KCTD1: variants seen among roughly 807,000 people sequenced by gnomAD.
KCTD1 encodes BTB/POZ domain-containing protein KCTD1.
KCTD1 carries 24 observed loss-of-function variants against 66.0 expected under a neutral mutation model. That is an observed-to-expected ratio of 0.36 (90% CI 0.26 to 0.51). KCTD1 has a LOEUF of 0.51. KCTD1 is among the 20% of genes least tolerant of loss of function. The pLI is 0.95. For synonymous variants in KCTD1, 511 were observed against 517.2 expected, an observed-to-expected ratio of 0.99 and a Z score of 0.16; for missense variants, 943 against 1,205.2, an observed-to-expected ratio of 0.78 and a Z score of 3.22.
At chr18:26,628,577 A>G (rs1987551801) in intron 1 of KCTD1, among the ~76,000 whole-genome samples, 1 of 152,210 alleles carries the variant, frequency 6.6e-6, no homozygotes, top group East Asian at 1.9e-4. Context: ...AAATAGTAAA[A>G]AAAAAAAAGT....
Position 26,490,845 on chromosome 18 carries a change from C to T in KCTD1, c.1988+10227G>A, listed in dbSNP as rs770985273. Among the ~76,000 whole-genome samples, 96 of 149,246 alleles carry T rather than the reference C, an allele frequency of 6.4e-4. 1 individual carries two copies. The highest frequency in any genetic ancestry group is 1.6e-4 in the Non-Finnish European group (11 of 66,966). ...TCGGCTCACTGCAATCTCCGCCTCC[C>T]GGGCTCAAGCGATTCTCATGCCTCA... is the stretch of plus-strand genomic sequence containing the variant. On this transcript the variant is annotated intron_variant, in intron 2 of 4. Transcript: ENST00000580059.
chr18:26,562,507 C>A (rs1471161603), intron 1 of KCTD1, among the ~76,000 whole-genome samples: 1 of 152,146 alleles, frequency 6.6e-6, no homozygotes, highest in African/African-American at 2.4e-5. Flanking sequence ...AGTGATATTC[C>A]CACCTCAGCC....
At chr18:26,620,341 T>G (rs1367993928) in intron 1 of KCTD1, among the ~76,000 whole-genome samples, 1 of 88,428 alleles carries the variant, frequency 1.1e-5, no homozygotes, top group African/African-American at 5.2e-5. Context: ...TTGCTGAAGG[T>G]AAATCTTAAA....
At chr18:26,484,277 T>C (rs1981801678) in intron 2 of KCTD1, among the ~76,000 whole-genome samples, 1 of 152,212 alleles carries the variant, frequency 6.6e-6, no homozygotes, top group South Asian at 2.1e-4. Context: ...GGAAAATACC[T>C]TCTAAGTAAA....
chr18:26,563,626 G>C (rs964754293), intron 1 of KCTD1, among the ~76,000 whole-genome samples: 1 of 152,190 alleles, frequency 6.6e-6, no homozygotes, highest in African/African-American at 2.4e-5. Flanking sequence ...TAGTATAGTG[G>C]CGAGTGTATG....
intron 1 of KCTD1, among the ~76,000 whole-genome samples, chr18:26,585,568 T>G (rs969311622): frequency 6.6e-6 from 1 of 152,160 alleles, no homozygotes; most frequent in Admixed American, 6.6e-5. Flanking sequence ...TAATAAAGAA[T>G]TATCTAACTA....
chr18:26,513,062 C>A (rs1012288858), intron 1 of KCTD1, among the ~76,000 whole-genome samples: 6 of 151,410 alleles, frequency 4.0e-5, no homozygotes, highest in Admixed American at 2.6e-4. Context: ...AAGAATGCAC[C>A]TTTCTGGGTT....
At chr18:26,482,489 T>C (rs1489515453) in intron 2 of KCTD1, among the ~76,000 whole-genome samples, 1 of 151,836 alleles carries the variant, frequency 6.6e-6, no homozygotes, top group Non-Finnish European at 1.5e-5. Flanking sequence ...ACCTTGCAGC[T>C]CTTGTTCTAT....
intron 3 of KCTD1, among the ~76,000 whole-genome samples, chr18:26,466,202 A>C (rs1980724834): frequency 6.6e-6 from 1 of 152,188 alleles, no homozygotes; most frequent in Non-Finnish European, 1.5e-5. Flanking sequence ...TGATTGGCTA[A>C]AGTACAGGCA....
chr18:26,521,870 G>A (rs1983929218), intron 1 of KCTD1, among the ~76,000 whole-genome samples: 1 of 152,090 alleles, frequency 6.6e-6, no homozygotes. Context: ...CTAACCTGAC[G>A]AAAACGGTCT....
At chr18:26,535,114 T>TGGGGGGGGGGG (rs1984633313) in intron 1 of KCTD1, among the ~76,000 whole-genome samples, 4 of 110,786 alleles carry the variant, frequency 3.6e-5, no homozygotes, top group Non-Finnish European at 7.3e-5. Flanking sequence ...GGTTGGGGGG[T>TGGGGGGGGGGG]GGGGGTGGAG....
intron 1 of KCTD1, among the ~76,000 whole-genome samples, chr18:26,537,887 T>C (rs997661772): frequency 1.3e-5 from 2 of 152,252 alleles, no homozygotes; most frequent in Non-Finnish European, 2.9e-5. Flanking sequence ...GTGAATGTGC[T>C]GTAGCCTGGG....
chr18:26,535,985 A>AAAAAAAG (rs397952929), intron 1 of KCTD1, among the ~76,000 whole-genome samples: 1 of 147,608 alleles, frequency 6.8e-6, no homozygotes, highest in East Asian at 2.0e-4. Context: ...AAAAAAAAAA[A>AAAAAAAG]AAGAAGATTT....
At chr18:26,614,112 A>G (rs1987195511) in intron 1 of KCTD1, among the ~76,000 whole-genome samples, 1 of 152,220 alleles carries the variant, frequency 6.6e-6, no homozygotes, top group South Asian at 2.1e-4. Context: ...GATCTAACAC[A>G]CATGTGTTTA....
chr18:26,621,531 AGAG>A (rs1454797147), intron 1 of KCTD1, among the ~76,000 whole-genome samples: 2 of 151,884 alleles, frequency 1.3e-5, no homozygotes, highest in Admixed American at 6.6e-5. Flanking sequence ...ACACTGGGGG[AGAG>A]GAGGGAGGGG....
chr18:26,535,444 C>G (rs968765112), intron 1 of KCTD1, among the ~76,000 whole-genome samples: 8 of 151,812 alleles, frequency 5.3e-5, no homozygotes, highest in African/African-American at 7.3e-5. Context: ...GAAGAAATGG[C>G]TCCCGGGGGC....
chr18:26,472,436 G>A (rs1981120093), intron 3 of KCTD1, among the ~76,000 whole-genome samples: 1 of 151,930 alleles, frequency 6.6e-6, no homozygotes, highest in East Asian at 1.9e-4. Context: ...TTATTTTAAT[G>A]ACTTAAGTCA....
At chr18:26,535,414 C>A (rs892062778) in intron 1 of KCTD1, among the ~76,000 whole-genome samples, 1 of 152,026 alleles carries the variant, frequency 6.6e-6, no homozygotes, top group Non-Finnish European at 1.5e-5. Flanking sequence ...CAGCAAGGAG[C>A]CAGTCTGCAC....
chr18:26,511,495 G>C (rs183033832), intron 1 of KCTD1, among the ~76,000 whole-genome samples: 6 of 152,266 alleles, frequency 3.9e-5, no homozygotes, highest in Non-Finnish European at 7.4e-5. Flanking sequence ...CCCTGCACAC[G>C]CTGTTGTGGG....
Sources: gnomAD v4.1 joint callset for allele counts (sites outside exome capture counted in the v4.1 genomes callset) on GRCh38, gnomAD v4.1.1 for gene constraint, MANE v1.5 for transcripts, NCBI Gene and HGNC (gene_info 2026-07-23, HGNC 2026-07-21) for gene names.